The following IPO9 variants were observed in gnomAD, a reference collection of about 807,000 sequenced individuals.
The protein encoded by IPO9 is importin 9.
A neutral mutation model predicts 128.6 loss-of-function variants in IPO9; 28 were observed. That is an observed-to-expected ratio of 0.22 (90% CI 0.16 to 0.30). The LOEUF is 0.30. Among genes scored for constraint, IPO9 ranks in the 10% least tolerant of loss-of-function variants. The probability of loss-of-function intolerance (pLI) is 1.00; values close to 1 mark genes in which losing one functional copy is unlikely to be tolerated. For missense variants in IPO9, 935 were observed against 1,293.9 expected, an observed-to-expected ratio of 0.72 and a Z score of 4.26; for synonymous variants, 455 against 475.8, an observed-to-expected ratio of 0.96 and a Z score of 0.57.
In IPO9 at chr1:201,870,615, A is replaced by C. The variant is rs1680631522; in HGVS notation, c.2166A>C (p.Ser722=). Residue 722 remains serine, a synonymous_variant, in exon 18 of 24, where the codon TCA becomes TCC. Transcript: ENST00000361565. The surrounding 1 kb of genome is among the most constrained non-coding windows in gnomAD (Gnocchi z 4.9). Reference sequence around the variant, plus strand: ...GAGAGTGCTTGCGGGCCTATGTGTCAGTGACCCTGGAACAAGTAGCCCAGT... The same window carrying C: ...GAGAGTGCTTGCGGGCCTATGTGTCCGTGACCCTGGAACAAGTAGCCCAGT... The part of the protein sequence containing the change: ...NGGECLRAYV[S]VTLEQVAQWH... The C allele has an allele frequency of 6.2e-7, 1 of 1,614,050 alleles. No individual in the cohort carries two copies. The highest frequency in any genetic ancestry group is 1.3e-5 in the African/African-American group (1 of 74,922).
At position 201,877,486 on chromosome 1, in the gene IPO9, A is replaced by C. The variant is rs934471368; in HGVS notation, c.*1432A>C. 4.5e-5 allele frequency: 4 copies of C among 89,334 alleles called. No homozygotes were observed. Among genetic ancestry groups the C allele is most frequent in the African/African-American group, 1.4e-4 (4 of 28,982 alleles). 5.5% of individuals were successfully genotyped at this position (89,334 alleles called of 1,614,324 possible). ...CCGTTGCATTCCAAGGCAAGACTCA[A>C]TCACACACACACACACACACACACA... On this transcript the variant is annotated 3_prime_UTR_variant, in exon 24 of 24. Transcript: ENST00000361565.
In IPO9 at chr1:201,859,317, A is replaced by T. The variant is rs1030811464; in HGVS notation, c.1468+323A>T. ...AAAATTGTTTGCACCCTACAGCTTG[A>T]ACTCATCCGAACCTCTAAAACAGCC... On this transcript the variant is annotated intron_variant, in intron 13 of 23. Transcript: ENST00000361565. Among the ~76,000 whole-genome samples the T allele has an allele frequency of 3.2e-4, 49 of 151,336 alleles. 1 individual carries two copies. The highest frequency in any genetic ancestry group is 1.2e-3 in the African/African-American group (49 of 41,166).
chr1:201,852,823 A>G (rs1281515888), intron 5 of IPO9, among the ~76,000 whole-genome samples, 188 bp from the exon 6 acceptor site: 1 of 152,184 alleles, frequency 6.6e-6, no homozygotes, highest in African/African-American at 2.4e-5. Flanking sequence ...TGATTCTGCT[A>G]CCTTTCATTC....
chr1:201,861,021 C>T (rs1680435535), intron 13 of IPO9, among the ~76,000 whole-genome samples: 1 of 152,118 alleles, frequency 6.6e-6, no homozygotes, highest in Non-Finnish European at 1.5e-5. Flanking sequence ...CAAAAATTAG[C>T]TGGGCGTGGT....
At chr1:201,840,217 G>A (rs928542274) in intron 1 of IPO9, among the ~76,000 whole-genome samples, 9 of 152,088 alleles carry the variant, frequency 5.9e-5, no homozygotes, top group Non-Finnish European at 1.0e-4. Context: ...AGCCTCCCAA[G>A]TAGCCGAGGC....
chr1:201,854,866 C>T lies in IPO9; in HGVS notation c.854C>T (p.Ser285Phe). ...LVKNFPKHMV[S>F]SMQQILPIVW... Reference sequence around the variant, plus strand: ...AAAAACTTCCCAAAGCACATGGTGTCCTCCATGCAGCAGATTCTGCCTATT... The same window carrying T: ...AAAAACTTCCCAAAGCACATGGTGTTCTCCATGCAGCAGATTCTGCCTATT... Residue 285 changes from serine (S) to phenylalanine (F), a missense_variant, in exon 8 of 24, where the codon TCC becomes TTC. Coordinates refer to ENST00000361565, the MANE Select transcript of IPO9 (RefSeq NM_018085.5). 1 of 1,611,724 alleles carries T rather than the reference C, an allele frequency of 6.2e-7. No homozygotes were observed. The highest frequency in any genetic ancestry group is 8.5e-7 in the Non-Finnish European group (1 of 1,179,312).
intron 1 of IPO9, among the ~76,000 whole-genome samples, chr1:201,841,303 GGTATGGATTAATACTTCT>G (rs1480260081): frequency 3.3e-5 from 5 of 152,084 alleles, no homozygotes; most frequent in African/African-American, 1.2e-4. Context: ...TTTTCACAAA[GGTATGGATTAATACTTCT>G]GTAATTGCTT....
At chr1:201,840,837 T>A (rs1404060669) in intron 1 of IPO9, among the ~76,000 whole-genome samples, 1 of 152,090 alleles carries the variant, frequency 6.6e-6, no homozygotes, top group Non-Finnish European at 1.5e-5. Context: ...TTTAAAAAAA[T>A]GTGTCTGCTC....
chr1:201,874,657 G>A (rs936478476), intron 21 of IPO9, among the ~76,000 whole-genome samples, 175 bp from the exon 22 acceptor site: 3 of 152,140 alleles, frequency 2.0e-5, no homozygotes, highest in Admixed American at 1.3e-4. Context: ...TATATCTCCA[G>A]GTTCTTTCAT....
intron 6 of IPO9, among the ~76,000 whole-genome samples, chr1:201,853,735 G>A (rs186370044): frequency 3.3e-4 from 50 of 151,794 alleles, no homozygotes; most frequent in Admixed American, 5.9e-4. Flanking sequence ...ATGAGTGAAC[G>A]AATGAATTTA....
At chr1:201,846,928 C>T (rs1680134036) in intron 1 of IPO9, among the ~76,000 whole-genome samples, 1 of 152,184 alleles carries the variant, frequency 6.6e-6, no homozygotes, top group South Asian at 2.1e-4. Context: ...CTCGACCTCC[C>T]AAAGTGCTGG....
chr1:201,854,746 G>A, intron 7 of IPO9, 32 bp downstream of exon 7: 1 of 1,610,930 alleles, frequency 6.2e-7, no homozygotes. Context: ...AATATTTGGA[G>A]TTTGAGGGGC....
At chr1:201,859,117 C>T (rs1041685067) in intron 13 of IPO9, 123 bp downstream of exon 13, 1 of 771,076 alleles carries the variant, frequency 1.3e-6, no homozygotes, top group Admixed American at 2.8e-5. Context: ...AGCACACCAA[C>T]ATGGCACATG....
intron 10 of IPO9, among the ~76,000 whole-genome samples, chr1:201,856,535 T>C (rs61510847): frequency 0.01 from 1,567 of 152,306 alleles, 31 homozygotes; most frequent in African/African-American, 0.036. Context: ...AGGTTGACAT[T>C]GGCAGAGAGC....
intron 21 of IPO9, 59 bp from the exon 22 acceptor site, chr1:201,874,773 T>A: frequency 8.4e-7 from 1 of 1,189,734 alleles, no homozygotes. Context: ...CTATTTGGAT[T>A]TGGGGAGGGA....
intron 13 of IPO9, among the ~76,000 whole-genome samples, chr1:201,862,806 C>CAA (rs545253856): frequency 9.3e-4 from 65 of 69,904 alleles, no homozygotes; most frequent in African/African-American, 3.0e-3. Context: ...AACTTCATCT[C>CAA]AAAAAAAAAA....
At position 201,829,227 on chromosome 1, in the gene IPO9, A is replaced by G. The variant is rs1042568436; in HGVS notation, c.18A>G (p.Ala6=). MAAAA[A]AGAASGLPGP... ...GAGAAAAGATGGCGGCGGCGGCGGC[A>G]GCTGGTGCGGCCTCCGGGCTGCCGG... Residue 6 remains alanine, a synonymous_variant, in exon 1 of 24, where the codon GCA becomes GCG. Coordinates refer to ENST00000361565, the MANE Select transcript of IPO9 (RefSeq NM_018085.5). 1.3e-6 allele frequency: 2 copies of G among 1,563,862 alleles called. No homozygotes were observed. Among genetic ancestry groups the G allele is most frequent in the Non-Finnish European group, 1.7e-6 (2 of 1,159,746 alleles).
chr1:201,829,251 G>C lies in IPO9; in HGVS notation c.42G>C (p.Pro14=). Residue 14 remains proline (P), a synonymous_variant, in exon 1 of 24, where the codon CCG becomes CCC. Coordinates refer to ENST00000361565, the MANE Select transcript of IPO9 (RefSeq NM_018085.5). ...AAAAGAASGL[P]GPVAQGLKEA... ...CAGCTGGTGCGGCCTCCGGGCTGCC[G>C]GGTCCAGTGGCACAAGGATTAAAGG... 1 of 1,584,608 alleles carries C rather than the reference G, an allele frequency of 6.3e-7. No homozygotes were observed. Among genetic ancestry groups the C allele is most frequent in the Admixed American group, 1.8e-5 (1 of 56,844 alleles).
chr1:201,844,072 G>A (rs1046245747), intron 1 of IPO9, among the ~76,000 whole-genome samples: 1 of 152,104 alleles, frequency 6.6e-6, no homozygotes, highest in Non-Finnish European at 1.5e-5. Flanking sequence ...GCTAAAATCA[G>A]TGGGTGAGAC....
Sources: allele counts gnomAD v4.1 joint callset (sites outside exome capture counted in the v4.1 genomes callset), GRCh38; gene constraint gnomAD v4.1.1; non-coding constraint Gnocchi (gnomAD v3.1); transcripts MANE v1.5; gene names NCBI Gene and HGNC (gene_info 2026-07-23, HGNC 2026-07-21).